Variants in CSRNP3 observed in about 807,000 individuals in gnomAD.
CSRNP3 encodes cysteine and serine rich nuclear protein 3, also known as cysteine/serine-rich nuclear protein 3.
A neutral mutation model predicts 48.0 loss-of-function variants in CSRNP3; 12 were observed. That is an observed-to-expected ratio of 0.25 (90% CI 0.16 to 0.41). CSRNP3 has a LOEUF of 0.41. Ranked by LOEUF, CSRNP3 falls within the 10% of genes least tolerant of loss-of-function variation. CSRNP3 has a pLI of 1.00. For missense variants in CSRNP3, 580 were observed against 724.4 expected (o/e 0.80, Z 2.29); for synonymous variants, 263 against 269.7 (o/e 0.98, Z 0.24).
chr2:165,499,273 G>A (rs1684326154), intron 2 of CSRNP3, among the ~76,000 whole-genome samples: 1 of 152,164 alleles, frequency 6.6e-6, no homozygotes. Flanking sequence ...TGCGCCTGAA[G>A]CAAATGTCCT....
chr2:165,642,743 G>A (rs1686744801), intron 4 of CSRNP3, among the ~76,000 whole-genome samples: 1 of 152,094 alleles, frequency 6.6e-6, no homozygotes, highest in African/African-American at 2.4e-5. Flanking sequence ...TGTATTTTTA[G>A]TAGAGATGGG....
chr2:165,491,182 A>G (rs2105457368), intron 1 of CSRNP3, among the ~76,000 whole-genome samples: 1 of 65,712 alleles, frequency 1.5e-5, no homozygotes, highest in South Asian at 6.6e-4. Flanking sequence ...TTATGCAGCC[A>G]AAAAACACAT....
At chr2:165,587,535 T>C (rs1685651601) in intron 3 of CSRNP3, among the ~76,000 whole-genome samples, 1 of 152,238 alleles carries the variant, frequency 6.6e-6, no homozygotes, top group South Asian at 2.1e-4. Flanking sequence ...CTTTGGAACA[T>C]TACAGTTGAA....
intron 4 of CSRNP3, among the ~76,000 whole-genome samples, chr2:165,630,870 A>C (rs575610026): frequency 6.6e-6 from 1 of 152,198 alleles, no homozygotes; most frequent in Non-Finnish European, 1.5e-5. Context: ...CATTTATTTA[A>C]CAAACATTTA....
intron 3 of CSRNP3, among the ~76,000 whole-genome samples, chr2:165,523,947 A>C (rs1684697085): frequency 6.6e-6 from 1 of 152,220 alleles, no homozygotes; most frequent in South Asian, 2.1e-4. Flanking sequence ...TGTTAATGAC[A>C]TAGAGGTCAA....
chr2:165,606,586 C>T (rs1686032075), intron 4 of CSRNP3, among the ~76,000 whole-genome samples: 1 of 152,082 alleles, frequency 6.6e-6, no homozygotes, highest in African/African-American at 2.4e-5. Context: ...AGGAACTCTC[C>T]TAACACTGGC....
intron 2 of CSRNP3, among the ~76,000 whole-genome samples, chr2:165,500,612 T>C (rs1166516147): frequency 4.0e-5 from 6 of 151,762 alleles, no homozygotes; most frequent in Non-Finnish European, 8.8e-5. Context: ...CATGTGCCAC[T>C]ACGCCCGGCT....
chr2:165,652,788 C>T (rs550911431), intron 4 of CSRNP3, among the ~76,000 whole-genome samples: 20 of 152,218 alleles, frequency 1.3e-4, no homozygotes, highest in Admixed American at 4.6e-4. Flanking sequence ...AAGGGATCCA[C>T]CTGCCTCAGC....
At chr2:165,667,907 T>C (rs1456948770) in intron 5 of CSRNP3, among the ~76,000 whole-genome samples, 1 of 152,246 alleles carries the variant, frequency 6.6e-6, no homozygotes, top group Non-Finnish European at 1.5e-5. Context: ...GTTGTACATC[T>C]ATAAAACTCC....
At chr2:165,553,952 C>G (rs1221647849) in intron 3 of CSRNP3, among the ~76,000 whole-genome samples, 1 of 152,196 alleles carries the variant, frequency 6.6e-6, no homozygotes, top group Non-Finnish European at 1.5e-5. Context: ...ATCTGCTTAG[C>G]AAAACTCCTT....
In CSRNP3 at chr2:165,688,647, T is replaced by G. The variant is rs182971420; in HGVS notation, c.*8894T>G. 2.0e-5 allele frequency: 3 copies of G among 152,256 alleles called. No homozygotes were observed. The highest frequency in any genetic ancestry group is 2.0e-4 in the Admixed American group (3 of 15,270). The allele number at this position is 152,256 out of a possible 1,614,324, so 9.4% of individuals were successfully genotyped here. A position where few individuals can be genotyped will look rare whatever the true frequency, so the allele number is the denominator to read the frequency against. ...ATTTGCAAATTCTGGTGGAATCTAG[T>G]GAGCTGAATGTATTGGTAGATCAAA... On this transcript the variant is annotated 3_prime_UTR_variant, in exon 7 of 7. Coordinates refer to ENST00000651982, the MANE Select transcript of CSRNP3 (RefSeq NM_001172173.2).
At chr2:165,548,783 A>G (rs1475282141) in intron 3 of CSRNP3, among the ~76,000 whole-genome samples, 3 of 151,892 alleles carry the variant, frequency 2.0e-5, no homozygotes, top group African/African-American at 7.2e-5. Flanking sequence ...TGGGTATCTC[A>G]CTGTTTCTAT....
At chr2:165,536,956 T>C (rs2105248792) in intron 3 of CSRNP3, among the ~76,000 whole-genome samples, 1 of 152,008 alleles carries the variant, frequency 6.6e-6, no homozygotes, top group Non-Finnish European at 1.5e-5. Context: ...TGCTTCCGTA[T>C]GTATCCTGTG....
chr2:165,640,652 A>G (rs1686708303), intron 4 of CSRNP3, among the ~76,000 whole-genome samples: 2 of 152,156 alleles, frequency 1.3e-5, no homozygotes, highest in Non-Finnish European at 2.9e-5. Context: ...ATTATTGCTT[A>G]ATTCTAGAGT....
chr2:165,575,479 T>G (rs186680057), intron 3 of CSRNP3, among the ~76,000 whole-genome samples: 1 of 152,242 alleles, frequency 6.6e-6, no homozygotes, highest in Admixed American at 6.5e-5. Flanking sequence ...AAAAATAGCT[T>G]TTAGCCATGA....
At chr2:165,496,117 T>C (rs1684280705) in intron 2 of CSRNP3, among the ~76,000 whole-genome samples, 1 of 152,060 alleles carries the variant, frequency 6.6e-6, no homozygotes, top group African/African-American at 2.4e-5. Context: ...TCTCCATCAC[T>C]GTTAGAATAA....
chr2:165,612,446 G>T (rs1180567785), intron 4 of CSRNP3, among the ~76,000 whole-genome samples: 1 of 151,908 alleles, frequency 6.6e-6, no homozygotes, highest in Non-Finnish European at 1.5e-5. Context: ...CTCTCTTGTA[G>T]CTTTCTGAAA....
intron 5 of CSRNP3, among the ~76,000 whole-genome samples, chr2:165,669,725 T>G (rs1263035700): frequency 6.6e-6 from 1 of 152,150 alleles, no homozygotes; most frequent in African/African-American, 2.4e-5. Context: ...GTAGAGAGTC[T>G]GAACAAGTTT....
chr2:165,606,323 C>T (rs35365465), intron 4 of CSRNP3, among the ~76,000 whole-genome samples: 56,630 of 138,180 alleles, frequency 0.41, 11,265 homozygotes, highest in Admixed American at 0.5. Context: ...GAATTAGTAT[C>T]TGAATATAAA....
Sources: gnomAD v4.1 joint callset for allele counts (sites outside exome capture counted in the v4.1 genomes callset) on GRCh38, gnomAD v4.1.1 for gene constraint, MANE v1.5 for transcripts, NCBI Gene and HGNC (gene_info 2026-07-23, HGNC 2026-07-21) for gene names.